The following AHI1 variants were observed in gnomAD, a reference collection of about 807,000 sequenced individuals.
AHI1 encodes the protein Abelson helper integration site 1.
In AHI1, 123 loss-of-function variants were observed where a neutral mutation model predicts 149.3. The ratio of observed to expected loss-of-function variants is 0.82; its 90% CI spans 0.71 to 0.96. The LOEUF (loss-of-function observed/expected upper bound fraction) is 0.96, where lower values mean the gene tolerates loss of function less well. AHI1 is among the 40% of genes least tolerant of loss of function. AHI1 has a pLI of 0.00. For missense variants in AHI1, 1,439 were observed against 1,422.7 expected (o/e 1.01, Z -0.18); for synonymous variants, 475 against 459.8 (o/e 1.03, Z -0.42).
Position 135,465,990 on chromosome 6 carries a change from T to C in AHI1, c.573A>G (p.Ala191=). ...TTTCTTCAGTTACATGGCACTGATA[T>C]GCTTGCATCAATTCTTCATCCTCTT... ...DLEEDEELMQ[A]YQCHVTEEMA... Residue 191 remains alanine, a synonymous_variant, in exon 7 of 29, where the codon GCA becomes GCG. Coordinates refer to ENST00000265602, the MANE Select transcript of AHI1 (RefSeq NM_001134831.2). 6.2e-7 allele frequency: 1 copy of C among 1,613,988 alleles called. No individual in the cohort carries two copies. Among genetic ancestry groups the C allele is most frequent in the Non-Finnish European group, 8.5e-7 (1 of 1,179,870 alleles).
rs138005947 is a variant in AHI1 at position 135,421,393 on chromosome 6, G to A, written c.2764+5774C>T. Among the ~76,000 whole-genome samples, 5 of 152,148 alleles carry A rather than the reference G, an allele frequency of 3.3e-5. No individual in the cohort carries two copies. The East Asian group carries it at 7.7e-4, about 24-fold the overall frequency. ...ACAATAAAGCAAACACCAGTAAAACGAGGTATGCCTGTATTTATGCTTCAT... is the reference window on the plus strand; with the variant it reads ...ACAATAAAGCAAACACCAGTAAAACAAGGTATGCCTGTATTTATGCTTCAT... On this transcript the variant is annotated intron_variant, in intron 20 of 28. Coordinates refer to ENST00000265602, the MANE Select transcript of AHI1 (RefSeq NM_001134831.2).
At chr6:135,342,233 TAAAAC>T (rs1790486008) in intron 24 of AHI1, among the ~76,000 whole-genome samples, 1 of 151,784 alleles carries the variant, frequency 6.6e-6, no homozygotes, top group South Asian at 2.1e-4. Context: ...AGATGCAACT[TAAAAC>T]TGACTGAAGA....
intron 18 of AHI1, 57 bp from the exon 19 acceptor site, chr6:135,428,816 G>A: frequency 4.8e-6 from 7 of 1,449,324 alleles, no homozygotes; most frequent in Non-Finnish European, 6.5e-6. Context: ...AATGACTGGT[G>A]GTATAAAATC....
chr6:135,400,586 G>A (rs1487080940), intron 22 of AHI1, among the ~76,000 whole-genome samples: 3 of 152,214 alleles, frequency 2.0e-5, no homozygotes, highest in Non-Finnish European at 2.9e-5. Flanking sequence ...GAAAAAGAGA[G>A]TGTGTGTTAT....
chr6:135,395,794 C>T (rs1472426349), intron 22 of AHI1, among the ~76,000 whole-genome samples: 1 of 151,744 alleles, frequency 6.6e-6, no homozygotes. Context: ...AAAATGTAAT[C>T]TGTAAATAAA....
intron 26 of AHI1, among the ~76,000 whole-genome samples, chr6:135,313,569 A>C (rs1347598797): frequency 6.6e-6 from 1 of 152,188 alleles, no homozygotes; most frequent in Non-Finnish European, 1.5e-5. Flanking sequence ...CTGCAATATG[A>C]ATATGAAGGT....
At chr6:135,320,677 T>C (rs1044244751) in intron 25 of AHI1, among the ~76,000 whole-genome samples, 4 of 152,172 alleles carry the variant, frequency 2.6e-5, no homozygotes, top group African/African-American at 9.7e-5. Context: ...TAAACTACAT[T>C]CTCAAATTAA....
chr6:135,394,994 C>A (rs753378844), intron 22 of AHI1, 98 bp from the exon 23 acceptor site: 60 of 1,258,814 alleles, frequency 4.8e-5, no homozygotes, highest in Non-Finnish European at 6.4e-5. Context: ...CAAACCAGGA[C>A]ACATGATAGG....
intron 8 of AHI1, among the ~76,000 whole-genome samples, chr6:135,461,740 A>G (rs1051615884): frequency 3.9e-5 from 6 of 152,038 alleles, no homozygotes; most frequent in Admixed American, 3.3e-4. Flanking sequence ...AATAATACAA[A>G]AACAGAATTA....
At chr6:135,393,726 G>T (rs1395065588) in intron 23 of AHI1, among the ~76,000 whole-genome samples, 1 of 152,024 alleles carries the variant, frequency 6.6e-6, no homozygotes, top group African/African-American at 2.4e-5. Flanking sequence ...TATTCATCAT[G>T]TTTACAATAT....
At chr6:135,338,010 A>T (rs1789664441) in intron 24 of AHI1, among the ~76,000 whole-genome samples, 1 of 152,036 alleles carries the variant, frequency 6.6e-6, no homozygotes, top group Admixed American at 6.5e-5. Flanking sequence ...AGTAGAAAAC[A>T]TCCCTGGCTG....
intron 5 of AHI1, among the ~76,000 whole-genome samples, chr6:135,478,049 C>A (rs1206359062): frequency 6.6e-6 from 1 of 152,138 alleles, no homozygotes; most frequent in Non-Finnish European, 1.5e-5. Flanking sequence ...GATCTGCCCA[C>A]CTTGGCCTCC....
intron 27 of AHI1, among the ~76,000 whole-genome samples, chr6:135,292,109 T>TACATACAC (rs1697760697): frequency 6.7e-6 from 1 of 148,232 alleles, no homozygotes; most frequent in African/African-American, 2.5e-5. Context: ...GGCAGCTAAT[T>TACATACAC]ACACACACAC....
At chr6:135,399,203 G>A (rs750595861) in intron 22 of AHI1, among the ~76,000 whole-genome samples, 7 of 152,008 alleles carry the variant, frequency 4.6e-5, no homozygotes, top group Admixed American at 1.3e-4. Context: ...TTCTACTTTC[G>A]AATTCCTACT....
rs531682147 is a variant in AHI1, at chr6:135,305,431, T to C, written c.3427-4873A>G. The stretch of plus-strand genomic sequence containing the variant: ...TTCAGCAAATCTCTCTTGAGCCTCA[T>C]AGATGTCTGCAAGGTATCTGCAATT... On this transcript the variant is annotated intron_variant, in intron 26 of 28. Transcript: ENST00000265602. 3.3e-5 allele frequency among the ~76,000 whole-genome samples: 5 copies of C among 152,364 alleles called. No individual in the cohort carries two copies. In the South Asian group the frequency reaches 1.0e-3, roughly 32 times the overall value.
chr6:135,301,791 G>A (rs1783913031), intron 26 of AHI1: 1 of 985,362 alleles, frequency 1.0e-6, no homozygotes, highest in Non-Finnish European at 1.2e-6. Flanking sequence ...CAGTTAAAAC[G>A]TGTTTGGGAA....
chr6:135,463,962 AT>A (rs1206841171), intron 7 of AHI1, among the ~76,000 whole-genome samples: 7 of 151,992 alleles, frequency 4.6e-5, no homozygotes, highest in African/African-American at 7.2e-5. Flanking sequence ...TCAGGCATGG[AT>A]TTCTAGGTAA....
intron 5 of AHI1, among the ~76,000 whole-genome samples, chr6:135,483,801 T>C (rs1304996524): frequency 6.6e-6 from 1 of 152,224 alleles, no homozygotes; most frequent in African/African-American, 2.4e-5. Context: ...CCCGCCATTT[T>C]CATGTACTTC....
At chr6:135,424,651 C>T (rs562249574) in intron 20 of AHI1, among the ~76,000 whole-genome samples, 17 of 151,902 alleles carry the variant, frequency 1.1e-4, no homozygotes, top group Non-Finnish European at 2.1e-4. Context: ...AAGACCACAA[C>T]CTGAACATAT....
Sources: gnomAD v4.1 joint callset for allele counts (sites outside exome capture counted in the v4.1 genomes callset) on GRCh38, gnomAD v4.1.1 for gene constraint, MANE v1.5 for transcripts, NCBI Gene and HGNC (gene_info 2026-07-23, HGNC 2026-07-21) for gene names.